Variants in STMN3 observed in about 807,000 individuals in gnomAD.
STMN3 encodes the protein stathmin-3.
STMN3 carries 24 observed loss-of-function variants against 23.2 expected under a neutral mutation model. The ratio of observed to expected loss-of-function variants is 1.03; its 90% CI spans 0.75 to 1.45. The LOEUF (loss-of-function observed/expected upper bound fraction) is 1.45, where lower values mean the gene tolerates loss of function less well. Among genes scored for constraint, STMN3 ranks in the 40% most tolerant of loss-of-function variants. The pLI is 0.00. For missense variants in STMN3, 235 were observed against 237.6 expected (o/e 0.99, Z 0.07); for synonymous variants, 117 against 103.4 (o/e 1.13, Z -0.80).
chr20:63,650,117 C>T (rs574523858), intron 1 of STMN3, among the ~76,000 whole-genome samples: 15 of 87,284 alleles, frequency 1.7e-4, no homozygotes, highest in Admixed American at 1.4e-3. Context: ...CGTGAGCCCC[C>T]GCGCCTGGCC....
At chr20:63,647,969 T>TAC (rs1555897540) in intron 1 of STMN3, among the ~76,000 whole-genome samples, 1 of 86,032 alleles carries the variant, frequency 1.2e-5, no homozygotes, top group African/African-American at 5.2e-5. Context: ...TGTATATATA[T>TAC]ATATATATAT....
intron 1 of STMN3, among the ~76,000 whole-genome samples, chr20:63,647,936 ATGTGTGTGTGTG>A (rs1555897526): frequency 1.2e-4 from 10 of 80,826 alleles, no homozygotes; most frequent in African/African-American, 3.9e-4. Flanking sequence ...ATACGTATAT[ATGTGTGTGTGTG>A]TATATATATA....
At chr20:63,647,017 G>GA (rs1296307389) in intron 1 of STMN3, among the ~76,000 whole-genome samples, 1 of 151,598 alleles carries the variant, frequency 6.6e-6, no homozygotes, top group Non-Finnish European at 1.5e-5. Context: ...TTAAAAAAAA[G>GA]AAAAAAATAG....
intron 4 of STMN3, 105 bp from the exon 5 acceptor site, chr20:63,641,502 A>C: frequency 1.1e-6 from 1 of 919,594 alleles, no homozygotes; most frequent in South Asian, 1.6e-5. Context: ...GCCCGGCCTC[A>C]TCCGGGCTGG....
In STMN3 at chr20:63,640,742, C is replaced by T. The variant is rs1424024153; in HGVS notation, c.*596G>A. 2 of 186,528 alleles carry T rather than the reference C, an allele frequency of 1.1e-5. No homozygotes were observed. Among genetic ancestry groups the T allele is most frequent in the Non-Finnish European group, 1.1e-5 (1 of 87,868 alleles). The allele number at this position is 186,528 out of a possible 1,614,324, so 11.6% of individuals were successfully genotyped here. A position where few individuals can be genotyped will look rare whatever the true frequency, so the allele number is the denominator to read the frequency against. On this transcript the variant is annotated 3_prime_UTR_variant, in exon 5 of 5. Transcript: ENST00000370053. ...AGGCTTCCAGGAAGGCCCAGGGTGT[C>T]CACCTCACGCCAGGTGGTCTCAGAG...
At position 63,640,227 on chromosome 20, in the gene STMN3, C is replaced by T. The variant is rs1331049706; in HGVS notation, c.*1111G>A. On this transcript the variant is annotated 3_prime_UTR_variant, in exon 5 of 5. Transcript: ENST00000370053. ...AAAGACAGCCTCCCCCACCGCCATCCTCCAGCTGACCGTCCTCCAAGGCCA... is the reference window on the plus strand; with the variant it reads ...AAAGACAGCCTCCCCCACCGCCATCTTCCAGCTGACCGTCCTCCAAGGCCA... The T allele has an allele frequency of 2.0e-5, 3 of 152,864 alleles. No homozygotes were observed. Among genetic ancestry groups the T allele is most frequent in the Non-Finnish European group, 4.4e-5 (3 of 68,230 alleles). 9.5% of individuals were successfully genotyped at this position (152,864 alleles called of 1,614,324 possible).
At chr20:63,649,796 C>T (rs192200910) in intron 1 of STMN3, among the ~76,000 whole-genome samples, 2 of 150,444 alleles carry the variant, frequency 1.3e-5, no homozygotes, top group African/African-American at 4.9e-5. Flanking sequence ...TCCCAAAGTG[C>T]TGGGATTACA....
intron 2 of STMN3, 131 bp from the exon 3 acceptor site, chr20:63,644,062 A>T: frequency 7.2e-7 from 1 of 1,389,288 alleles, no homozygotes; most frequent in Non-Finnish European, 9.8e-7. Flanking sequence ...CAGGAATCCC[A>T]GGCTTCAGCC....
Position 63,640,870 on chromosome 20 carries a change from C to G in STMN3, c.*468G>C, listed in dbSNP as rs935579808. The G allele has an allele frequency of 3.9e-6, 1 of 254,062 alleles. No homozygotes were observed. The highest frequency in any genetic ancestry group is 7.8e-6 in the Non-Finnish European group (1 of 127,700). 15.7% of individuals were successfully genotyped at this position (254,062 alleles called of 1,614,324 possible). ...ACGCAGGCTCCCAGGCACCATCACC[C>G]CCCTCCCCCGTCGCCCCTCCCTCAT... On this transcript the variant is annotated 3_prime_UTR_variant, in exon 5 of 5. Coordinates refer to ENST00000370053, the MANE Select transcript of STMN3 (RefSeq NM_015894.4).
At position 63,644,239 on chromosome 20, in the gene STMN3, G is replaced by A; in HGVS notation, c.90C>T (p.His30=). ...LICSCFYTQP[H]PNTVYQYGDM... ...CCCCGTACTGGTAGACGGTATTGGGGTGCGGCTGTGTGTAGAAGCAGGAGC... is the reference window on the plus strand; with the variant it reads ...CCCCGTACTGGTAGACGGTATTGGGATGCGGCTGTGTGTAGAAGCAGGAGC... Residue 30 remains histidine, a synonymous_variant, in exon 2 of 5, where the codon CAC becomes CAT. Transcript: ENST00000370053. 1 of 1,613,446 alleles carries A rather than the reference G, an allele frequency of 6.2e-7. No homozygotes were observed. Among genetic ancestry groups the A allele is most frequent in the South Asian group, 1.1e-5 (1 of 91,078 alleles).
At chr20:63,651,147 G>T (rs1272375829) in intron 1 of STMN3, among the ~76,000 whole-genome samples, 1 of 151,972 alleles carries the variant, frequency 6.6e-6, no homozygotes, top group African/African-American at 2.4e-5. Flanking sequence ...TTAGCAGAGA[G>T]GGGGGATTTC....
intron 1 of STMN3, 110 bp downstream of exon 1, chr20:63,653,217 G>T: frequency 7.2e-7 from 1 of 1,392,816 alleles, no homozygotes; most frequent in South Asian, 1.3e-5. Flanking sequence ...AACGCGCAGG[G>T]TAGGAGAAGG....
At chr20:63,646,033 C>T (rs943243294) in intron 1 of STMN3, among the ~76,000 whole-genome samples, 1 of 152,030 alleles carries the variant, frequency 6.6e-6, no homozygotes, top group African/African-American at 2.4e-5. Context: ...GAAAGGAAGA[C>T]AGACAAGGCA....
intron 1 of STMN3, among the ~76,000 whole-genome samples, chr20:63,651,274 G>T (rs564376779): frequency 7.2e-5 from 11 of 152,310 alleles, no homozygotes; most frequent in African/African-American, 2.4e-4. Flanking sequence ...TTCTACAGAG[G>T]AGGAATGAAG....
chr20:63,641,016 C>T lies in STMN3; in HGVS notation c.*322G>A, dbSNP rs982103140. The stretch of plus-strand genomic sequence containing the variant: ...CTGACCAGACAGCCCAGCGTAAGGA[C>T]CCGTGATCCCACGCCACCGCCCTGG... On this transcript the variant is annotated 3_prime_UTR_variant, in exon 5 of 5. Transcript: ENST00000370053. 26 of 447,762 alleles carry T rather than the reference C, an allele frequency of 5.8e-5. No individual in the cohort carries two copies. The highest frequency in any genetic ancestry group is 3.1e-4 in the Admixed American group (9 of 28,646). 27.7% of individuals were successfully genotyped at this position (447,762 alleles called of 1,614,324 possible).
At chr20:63,645,288 C>G (rs946765039) in intron 1 of STMN3, among the ~76,000 whole-genome samples, 2 of 152,156 alleles carry the variant, frequency 1.3e-5, no homozygotes, top group Non-Finnish European at 2.9e-5. Context: ...CCCTCAGACC[C>G]TCCTTTTTCC....
chr20:63,649,302 G>C (rs770557194), intron 1 of STMN3, among the ~76,000 whole-genome samples: 14 of 152,202 alleles, frequency 9.2e-5, no homozygotes, highest in Non-Finnish European at 1.9e-4. Flanking sequence ...GCCAACTCTG[G>C]AGAGAGCAAG....
chr20:63,641,653 C>T (rs1184984547), intron 4 of STMN3, among the ~76,000 whole-genome samples: 7 of 152,208 alleles, frequency 4.6e-5, no homozygotes, highest in Non-Finnish European at 8.8e-5. Context: ...TCCTTCAGGG[C>T]ACTTTCAATA....
In STMN3 at chr20:63,652,014, C is replaced by T. The variant is rs2089863106; in HGVS notation, c.19+1313G>A. The T allele has an allele frequency of 6.6e-6, 1 of 152,472 alleles. No individual in the cohort carries two copies. Among genetic ancestry groups the T allele is most frequent in the Admixed American group, 6.5e-5 (1 of 15,284 alleles). The allele number at this position is 152,472 out of a possible 1,614,324, so 9.4% of individuals were successfully genotyped here. A position where few individuals can be genotyped will look rare whatever the true frequency, so the allele number is the denominator to read the frequency against. ...GGGAGTCCCCTCCGCTGAGAGCCCC[C>T]CCACCCCCAGTATCCCCGGGGGTGT... is the stretch of plus-strand genomic sequence containing the variant. On this transcript the variant is annotated intron_variant, in intron 1 of 4. Coordinates refer to ENST00000370053, the MANE Select transcript of STMN3 (RefSeq NM_015894.4). The surrounding 1 kb of genome is among the most constrained non-coding windows in gnomAD (Gnocchi z 5.3).
Sources: gnomAD v4.1 joint callset for allele counts (sites outside exome capture counted in the v4.1 genomes callset) on GRCh38, gnomAD v4.1.1 for gene constraint, Gnocchi (gnomAD v3.1) non-coding constraint, MANE v1.5 for transcripts, NCBI Gene and HGNC (gene_info 2026-07-23, HGNC 2026-07-21) for gene names.